POU6F2: variants seen among roughly 807,000 people sequenced by gnomAD.
The protein encoded by POU6F2 is POU domain, class 6, transcription factor 2.
POU6F2 carries 31 observed loss-of-function variants against 71.3 expected under a neutral mutation model. That is an observed-to-expected ratio of 0.43 (90% CI 0.33 to 0.59). The LOEUF (loss-of-function observed/expected upper bound fraction) is 0.59. POU6F2 is among the 20% of genes least tolerant of loss of function. The pLI, the probability that POU6F2 is intolerant of heterozygous loss-of-function variation, is 0.04. For synonymous variants in POU6F2, 347 were observed against 355.7 expected (o/e 0.98, Z 0.27); for missense variants, 783 against 856.8 (o/e 0.91, Z 1.07).
At chr7:39,219,522 G>C (rs189904846) in intron 4 of POU6F2, among the ~76,000 whole-genome samples, 1 of 152,174 alleles carries the variant, frequency 6.6e-6, no homozygotes, top group Non-Finnish European at 1.5e-5. Flanking sequence ...CTATAGGGAA[G>C]GATATTTGTG....
At chr7:39,395,139 G>A (rs1787147572) in intron 5 of POU6F2, among the ~76,000 whole-genome samples, 1 of 152,080 alleles carries the variant, frequency 6.6e-6, no homozygotes, top group Non-Finnish European at 1.5e-5. Flanking sequence ...GTTCACATCT[G>A]ATCATGTCCC....
intron 1 of POU6F2, among the ~76,000 whole-genome samples, chr7:39,055,403 A>C (rs1790485559): frequency 6.6e-6 from 1 of 152,190 alleles, no homozygotes; most frequent in African/African-American, 2.4e-5. Context: ...CACTAGATTA[A>C]GAACACTGCC....
intron 4 of POU6F2, among the ~76,000 whole-genome samples, chr7:39,273,477 T>C (rs570074418): frequency 6.6e-6 from 1 of 152,308 alleles, no homozygotes; most frequent in South Asian, 2.1e-4. Flanking sequence ...TGGAGGGGCA[T>C]TCTACAGGTA....
intron 4 of POU6F2, among the ~76,000 whole-genome samples, chr7:39,231,287 A>G (rs1794569515): frequency 6.6e-6 from 1 of 152,198 alleles, no homozygotes; most frequent in Non-Finnish European, 1.5e-5. Flanking sequence ...TTATTTCAGT[A>G]TTCTTCACAG....
intron 4 of POU6F2, among the ~76,000 whole-genome samples, chr7:39,213,503 A>T (rs954521468): frequency 1.3e-5 from 2 of 152,212 alleles, no homozygotes; most frequent in African/African-American, 4.8e-5. Flanking sequence ...AGGCTCCATC[A>T]ATACAGAAAA....
intron 2 of POU6F2, among the ~76,000 whole-genome samples, chr7:39,153,540 C>T (rs555969574): frequency 6.6e-6 from 1 of 152,154 alleles, no homozygotes; most frequent in African/African-American, 2.4e-5. Flanking sequence ...GGTTTTGATG[C>T]CTTTTTATTT....
At chr7:39,075,078 C>T (rs538461284) in intron 1 of POU6F2, among the ~76,000 whole-genome samples, 1 of 152,154 alleles carries the variant, frequency 6.6e-6, no homozygotes, top group Admixed American at 6.5e-5. Context: ...TGGGGCTGTT[C>T]GAGGTCGCAG....
intron 2 of POU6F2, among the ~76,000 whole-genome samples, chr7:39,172,706 G>A (rs1001669105): frequency 3.3e-5 from 5 of 150,874 alleles, no homozygotes; most frequent in Admixed American, 2.0e-4. Flanking sequence ...CTGCAACCTC[G>A]ACCTCCCCGG....
intron 4 of POU6F2, among the ~76,000 whole-genome samples, chr7:39,250,109 G>A (rs2128752663): frequency 6.6e-6 from 1 of 152,240 alleles, no homozygotes; most frequent in Non-Finnish European, 1.5e-5. Context: ...CAGCCCGCGT[G>A]CAATTTTATT....
intron 6 of POU6F2, among the ~76,000 whole-genome samples, chr7:39,429,391 TG>T (rs924799502): frequency 4.6e-5 from 7 of 152,336 alleles, no homozygotes; most frequent in African/African-American, 1.7e-4. Context: ...AATAGTCTTT[TG>T]CACAGTCACC....
intron 1 of POU6F2, among the ~76,000 whole-genome samples, chr7:39,012,564 T>G (rs958865645): frequency 6.6e-6 from 1 of 152,026 alleles, no homozygotes; most frequent in African/African-American, 2.4e-5. Flanking sequence ...CCGTTGCTGG[T>G]GAGGAACTGT....
intron 6 of POU6F2, among the ~76,000 whole-genome samples, chr7:39,416,464 C>T (rs189961048): frequency 1.8e-4 from 27 of 152,286 alleles, no homozygotes; most frequent in African/African-American, 6.3e-4. Flanking sequence ...AGTGAATCTT[C>T]TGTTGTGCTG....
chr7:39,457,500 G>T (rs1788832326), intron 8 of POU6F2, among the ~76,000 whole-genome samples: 1 of 152,198 alleles, frequency 6.6e-6, no homozygotes, highest in Non-Finnish European at 1.5e-5. Context: ...TGGCCCGTCA[G>T]TCCTATACAG....
chr7:39,250,341 G>A (rs1584625112), intron 4 of POU6F2, among the ~76,000 whole-genome samples: 1 of 152,142 alleles, frequency 6.6e-6, no homozygotes, highest in Admixed American at 6.5e-5. Flanking sequence ...TTCTGTTGGG[G>A]ATGTCATTTC....
chr7:39,449,263 C>A (rs1788599003), intron 7 of POU6F2, among the ~76,000 whole-genome samples: 1 of 152,140 alleles, frequency 6.6e-6, no homozygotes, highest in South Asian at 2.1e-4. Flanking sequence ...TCCTGCCAGG[C>A]ACATCTGCTG....
intron 1 of POU6F2, among the ~76,000 whole-genome samples, chr7:39,066,866 G>A (rs58364765): frequency 0.076 from 11,146 of 147,166 alleles, 506 homozygotes; most frequent in African/African-American, 0.13. Context: ...AATATATGTA[G>A]CATATTATGC....
intron 7 of POU6F2, among the ~76,000 whole-genome samples, chr7:39,443,621 G>A (rs1443496276): frequency 6.6e-6 from 1 of 152,184 alleles, no homozygotes; most frequent in African/African-American, 2.4e-5. Flanking sequence ...AACAAGTTGG[G>A]CAAATTGACA....
chr7:39,273,703 A>G (rs1339407468), intron 4 of POU6F2, among the ~76,000 whole-genome samples: 1 of 151,920 alleles, frequency 6.6e-6, no homozygotes, highest in East Asian at 1.9e-4. Flanking sequence ...AAAGAGTATC[A>G]TCGGGGAACA....
At chr7:39,167,040 C>T (rs1451337569) in intron 2 of POU6F2, among the ~76,000 whole-genome samples, 1 of 152,096 alleles carries the variant, frequency 6.6e-6, no homozygotes, top group Non-Finnish European at 1.5e-5. Flanking sequence ...CACCTCACAC[C>T]CCATTCTCCA....
Sources: gnomAD v4.1 joint callset for allele counts (sites outside exome capture counted in the v4.1 genomes callset) on GRCh38, gnomAD v4.1.1 for gene constraint, MANE v1.5 for transcripts, NCBI Gene and HGNC (gene_info 2026-07-23, HGNC 2026-07-21) for gene names.